The following ITGB3 variants were observed in gnomAD, a reference collection of about 807,000 sequenced individuals.
The protein encoded by ITGB3 is integrin subunit beta 3, also known as integrin beta-3.
ITGB3 carries 48 observed loss-of-function variants against 85.8 expected under a neutral mutation model. That is an observed-to-expected ratio of 0.56 (90% confidence interval 0.44 to 0.71). The LOEUF is 0.71. ITGB3 is among the 30% of genes least tolerant of loss of function. The pLI is 0.00. For missense variants in ITGB3, 861 were observed against 1,019.1 expected (o/e 0.84, Z 2.11); for synonymous variants, 363 against 395.6 (o/e 0.92, Z 0.98).
chr17:47,275,056 T>G (rs1396324467), intron 2 of ITGB3, among the ~76,000 whole-genome samples: 3 of 152,174 alleles, frequency 2.0e-5, no homozygotes, highest in African/African-American at 7.2e-5. Context: ...GTTGCTGGCT[T>G]ACTTCTTTTT....
chr17:47,269,442 C>G (rs768735161), intron 1 of ITGB3, among the ~76,000 whole-genome samples: 3 of 152,074 alleles, frequency 2.0e-5, no homozygotes, highest in Non-Finnish European at 4.4e-5. Flanking sequence ...TAAATCATCT[C>G]TCTCACATTC....
chr17:47,263,980 T>C (rs1404490828), intron 1 of ITGB3, among the ~76,000 whole-genome samples: 1 of 152,172 alleles, frequency 6.6e-6, no homozygotes, highest in African/African-American at 2.4e-5. Context: ...GTTTGGAAAC[T>C]GGGGAAACTC....
chr17:47,304,091 A>G (rs2065177814), intron 13 of ITGB3, among the ~76,000 whole-genome samples: 1 of 152,096 alleles, frequency 6.6e-6, no homozygotes. Flanking sequence ...AAGTCTCACT[A>G]TGTTGCCCTG....
At chr17:47,255,048 G>A in intron 1 of ITGB3, among the ~76,000 whole-genome samples, 1 of 151,834 alleles carries the variant, frequency 6.6e-6, no homozygotes, top group East Asian at 1.9e-4. Context: ...GTGGGTTCTC[G>A]GCTCACTGCA....
chr17:47,275,890 C>T (rs1001680794), intron 2 of ITGB3, among the ~76,000 whole-genome samples: 2 of 152,174 alleles, frequency 1.3e-5, no homozygotes, highest in Non-Finnish European at 2.9e-5. Flanking sequence ...CCCCCACCCC[C>T]GCAGGTTCTC....
At chr17:47,297,526 C>T (rs1567768104) in intron 10 of ITGB3, among the ~76,000 whole-genome samples, 1 of 152,028 alleles carries the variant, frequency 6.6e-6, no homozygotes, top group African/African-American at 2.4e-5. Context: ...CATGGTGGTG[C>T]ATGCCTGTAG....
chr17:47,258,438 T>C (rs1400387423), intron 1 of ITGB3, among the ~76,000 whole-genome samples: 1 of 152,160 alleles, frequency 6.6e-6, no homozygotes, highest in Non-Finnish European at 1.5e-5. Flanking sequence ...AACACTCTTT[T>C]TTTTTTTTTG....
At chr17:47,309,436 T>C (rs1008708335) in intron 14 of ITGB3, among the ~76,000 whole-genome samples, 1 of 152,184 alleles carries the variant, frequency 6.6e-6, no homozygotes, top group African/African-American at 2.4e-5. Flanking sequence ...GAATTGCACC[T>C]GATACATTTC....
chr17:47,302,031 T>A (rs1172015950), intron 12 of ITGB3, among the ~76,000 whole-genome samples: 1 of 152,198 alleles, frequency 6.6e-6, no homozygotes, highest in Non-Finnish European at 1.5e-5. Flanking sequence ...AATTTCATCA[T>A]GTGTCAGTTT....
chr17:47,309,353 A>G (rs1192555335), intron 14 of ITGB3, among the ~76,000 whole-genome samples: 1 of 151,990 alleles, frequency 6.6e-6, no homozygotes, highest in Non-Finnish European at 1.5e-5. Context: ...ATGCCTGGCC[A>G]TGGTTAGTGC....
intron 2 of ITGB3, 22 bp downstream of exon 2, chr17:47,274,526 T>C: frequency 1.2e-6 from 2 of 1,605,140 alleles, no homozygotes; most frequent in Non-Finnish European, 1.7e-6. Context: ...ATACCAGACC[T>C]TGTTTCTTCT....
In ITGB3 at chr17:47,312,673, C is replaced by T. The variant is rs2143165336; in HGVS notation, c.*2469C>T. On this transcript the variant is annotated 3_prime_UTR_variant, in exon 15 of 15. Transcript: ENST00000559488. ...AGGTGAATCAAATCAGGAATCTTGT[C>T]TGAGCTACTGGAATGAAGTTCACAG... 6.6e-6 allele frequency among the ~76,000 whole-genome samples: 1 copy of T among 152,262 alleles called. No homozygotes were observed. The highest frequency in any genetic ancestry group is 2.1e-4 in the South Asian group (1 of 4,822).
chr17:47,300,410 G>A, intron 11 of ITGB3, 68 bp from the exon 12 acceptor site: 1 of 1,100,832 alleles, frequency 9.1e-7, no homozygotes, highest in Non-Finnish European at 1.4e-6. Flanking sequence ...ATGGAGATCA[G>A]AGCTGGACTG....
intron 2 of ITGB3, among the ~76,000 whole-genome samples, chr17:47,275,400 G>C (rs560923921): frequency 1.3e-5 from 2 of 152,046 alleles, no homozygotes; most frequent in Admixed American, 6.6e-5. Flanking sequence ...CTGATGGGGT[G>C]GGGGTGGAAG....
chr17:47,274,385 A>G, intron 1 of ITGB3, 34 bp from the exon 2 acceptor site: 6 of 1,602,854 alleles, frequency 3.7e-6, no homozygotes, highest in Non-Finnish European at 5.1e-6. Flanking sequence ...ACTGAGCCAA[A>G]TCTGGTGCTA....
rs2065222930 is a variant in ITGB3 at position 47,313,228 on chromosome 17, C to A, written c.*3024C>A. On this transcript the variant is annotated 3_prime_UTR_variant, in exon 15 of 15. Transcript: ENST00000559488. ...ACCTTAGGCGATCCACCTTCCTCGG[C>A]CTCCCACAGTGCTGGGATTACAAGT... Among the ~76,000 whole-genome samples the A allele has an allele frequency of 6.6e-6, 1 of 152,120 alleles. No homozygotes were observed.
intron 10 of ITGB3, among the ~76,000 whole-genome samples, chr17:47,292,959 T>C (rs1267709772): frequency 1.3e-5 from 2 of 152,250 alleles, no homozygotes; most frequent in Non-Finnish European, 2.9e-5. Flanking sequence ...ATTTTGTTAA[T>C]CACTGTTACT....
At chr17:47,306,186 C>T (rs1410013305) in intron 13 of ITGB3, among the ~76,000 whole-genome samples, 2 of 152,186 alleles carry the variant, frequency 1.3e-5, no homozygotes, top group Non-Finnish European at 2.9e-5. Context: ...AACTAGAAAA[C>T]ATGAGTTCCA....
chr17:47,312,426 G>A lies in ITGB3; in HGVS notation c.*2222G>A, dbSNP rs894485082. Among the ~76,000 whole-genome samples the A allele has an allele frequency of 1.3e-5, 2 of 152,148 alleles. No individual in the cohort carries two copies. Among genetic ancestry groups the A allele is most frequent in the Non-Finnish European group, 2.9e-5 (2 of 68,022 alleles). On this transcript the variant is annotated 3_prime_UTR_variant, in exon 15 of 15. Transcript: ENST00000559488. Reference sequence around the variant, plus strand: ...ATAGGGGGCGGGGAGGGATAGTCATGGATCCAAGAAGTCCTTAGAAATAGT... The same window carrying A: ...ATAGGGGGCGGGGAGGGATAGTCATAGATCCAAGAAGTCCTTAGAAATAGT...
Sources: gnomAD v4.1 joint callset for allele counts (sites outside exome capture counted in the v4.1 genomes callset) on GRCh38, gnomAD v4.1.1 for gene constraint, MANE v1.5 for transcripts, NCBI Gene and HGNC (gene_info 2026-07-23, HGNC 2026-07-21) for gene names.